Variants in MLKL observed in about 807,000 individuals in gnomAD.
MLKL encodes mixed lineage kinase domain like pseudokinase.
A neutral mutation model predicts 56.5 loss-of-function variants in MLKL; 55 were observed. The observed-to-expected ratio is 0.97, with a 90% CI of 0.78 to 1.22. MLKL has a LOEUF of 1.22. Ranked by LOEUF, MLKL falls within the 50% of genes most tolerant of loss-of-function variation. The pLI is 0.00. For synonymous variants in MLKL, 251 were observed against 208.3 expected (o/e 1.20, Z -1.76); for missense variants, 694 against 573.9 (o/e 1.21, Z -2.14).
At chr16:74,682,573 C>A in intron 6 of MLKL, 78 bp downstream of exon 6, 1 of 1,567,966 alleles carries the variant, frequency 6.4e-7, no homozygotes, top group Non-Finnish European at 8.7e-7. Flanking sequence ...CTGGCCTGTT[C>A]TCTCACCATC....
chr16:74,676,402 C>T, intron 7 of MLKL: 2 of 985,442 alleles, frequency 2.0e-6, no homozygotes, highest in Non-Finnish European at 2.4e-6. Flanking sequence ...GCTGCCAGCC[C>T]CAAACTCAGC....
At chr16:74,676,753 T>C (rs1009772397) in intron 7 of MLKL, 4 of 152,298 alleles carry the variant, frequency 2.6e-5, no homozygotes, top group African/African-American at 7.2e-5. Flanking sequence ...AAACCGTCTA[T>C]GGATGACAAA....
At chr16:74,698,481 T>C (rs1961186190) in intron 1 of MLKL, among the ~76,000 whole-genome samples, 3 of 152,132 alleles carry the variant, frequency 2.0e-5, no homozygotes, top group Admixed American at 2.0e-4. Context: ...GAGGTAACAG[T>C]TATTAGGGCA....
Position 74,691,373 on chromosome 16 carries a change from A to G in MLKL, c.626T>C (p.Leu209Pro), listed in dbSNP as rs1960664795. The G allele has an allele frequency of 6.2e-7, 1 of 1,613,930 alleles. No homozygotes were observed. Among genetic ancestry groups the G allele is most frequent in the Non-Finnish European group, 8.5e-7 (1 of 1,180,018 alleles). The change falls in exon 4 of 11, where the codon CTA (leucine) becomes CCA (proline). Residue 209 changes from leucine (L) to proline (P), a missense_variant. Coordinates refer to ENST00000308807, the MANE Select transcript of MLKL (RefSeq NM_152649.4). ...AAGTGTGCTGACTTCATTTTCCCTT[A>G]GCAGAATCCACGGGGATCCTGAAAG... is the stretch of plus-strand genomic sequence containing the variant. The part of the protein sequence containing the change: ...EQLSGSPWIL[L>P]RENEVSTLYK...
At chr16:74,676,609 G>A (rs909196033) in intron 7 of MLKL, 2 of 344,178 alleles carry the variant, frequency 5.8e-6, no homozygotes, top group East Asian at 1.7e-4. Flanking sequence ...TGAAGAGCGT[G>A]AGAGTAGTAG....
chr16:74,680,196 G>T (rs1959855854), intron 6 of MLKL, among the ~76,000 whole-genome samples: 1 of 152,190 alleles, frequency 6.6e-6, no homozygotes, highest in Admixed American at 6.5e-5. Flanking sequence ...AGCAAAGCAT[G>T]CCGAGAGGGG....
At position 74,675,639 on chromosome 16, in the gene MLKL, T is replaced by C. The variant is rs1018958789; in HGVS notation, c.1164A>G (p.Gln388=). The C allele has an allele frequency of 1.9e-6, 3 of 1,613,894 alleles. No homozygotes were observed. The highest frequency in any genetic ancestry group is 2.2e-5 in the East Asian group (1 of 44,880). ...SPQELEDVFY[Q]YDVKSEIYSF... is the part of the protein sequence containing the mutation. ...TGTATATTTCAGACTTTACATCATA[T>C]TGATAAAATACATCTTCCAGTTCCT... Residue 388 remains glutamine (Q), a synonymous_variant, in exon 8 of 11, where the codon CAA becomes CAG. Coordinates refer to ENST00000308807, the MANE Select transcript of MLKL (RefSeq NM_152649.4).
chr16:74,699,640 A>G (rs745738866), intron 1 of MLKL, among the ~76,000 whole-genome samples: 4 of 152,144 alleles, frequency 2.6e-5, no homozygotes, highest in African/African-American at 9.7e-5. Flanking sequence ...ACAAACAGCT[A>G]AGAATATGTT....
At chr16:74,680,483 T>G (rs976008448) in intron 6 of MLKL, among the ~76,000 whole-genome samples, 2 of 152,008 alleles carry the variant, frequency 1.3e-5, no homozygotes, top group Admixed American at 1.3e-4. Context: ...GGTATTTTTT[T>G]TTTGTTTTTT....
In MLKL at chr16:74,691,555, G is replaced by A. The variant is rs1281953074; in HGVS notation, c.536-92C>T. 2.9e-6 allele frequency: 4 copies of A among 1,369,300 alleles called. No homozygotes were observed. In the East Asian group the frequency reaches 9.2e-5, roughly 31 times the overall value. 84.8% of individuals were successfully genotyped at this position (1,369,300 alleles called of 1,614,324 possible). On this transcript the variant is annotated intron_variant, in intron 3 of 10. Coordinates refer to ENST00000308807, the MANE Select transcript of MLKL (RefSeq NM_152649.4). ...GGTGGCATATTTGTGATGTGTGAGT[G>A]GGAAGCTCTACTACATGAACCAGAG...
chr16:74,687,956 G>A (rs1052498356), intron 4 of MLKL, among the ~76,000 whole-genome samples: 9 of 152,156 alleles, frequency 5.9e-5, no homozygotes, highest in Non-Finnish European at 1.2e-4. Flanking sequence ...CTCCTGAGTA[G>A]CTGGGACTAC....
intron 7 of MLKL, 64 bp downstream of exon 7, chr16:74,678,835 G>A (rs1202734558): frequency 8.8e-6 from 10 of 1,140,938 alleles, no homozygotes; most frequent in African/African-American, 3.1e-5. Context: ...TGAGACACTC[G>A]TGCCCCTCTC....
chr16:74,688,233 G>T (rs1238179361), intron 4 of MLKL, among the ~76,000 whole-genome samples: 1 of 152,122 alleles, frequency 6.6e-6, no homozygotes, highest in Non-Finnish European at 1.5e-5. Context: ...GCCTCCCAAA[G>T]TGCTAGGATT....
At chr16:74,687,537 T>C (rs112424632) in intron 4 of MLKL, among the ~76,000 whole-genome samples, 28 of 152,334 alleles carry the variant, frequency 1.8e-4, no homozygotes, top group Non-Finnish European at 2.6e-4. Flanking sequence ...GGAAGACTTA[T>C]ACTTCTCAAT....
chr16:74,695,268 C>A, intron 2 of MLKL, 30 bp downstream of exon 2: 3 of 1,601,812 alleles, frequency 1.9e-6, no homozygotes, highest in Non-Finnish European at 2.6e-6. Flanking sequence ...TTCAACTGCA[C>A]TCCCACTCCC....
intron 4 of MLKL, among the ~76,000 whole-genome samples, chr16:74,685,871 T>C (rs183215457): frequency 3.3e-5 from 5 of 152,324 alleles, no homozygotes; most frequent in East Asian, 3.9e-4. Context: ...TACAGGGCTT[T>C]ACTAGGCAAA....
Position 74,678,556 on chromosome 16 carries a change from G to A in MLKL, c.1038+343C>T, listed in dbSNP as rs1287605144. On this transcript the variant is annotated intron_variant, in intron 7 of 10. Transcript: ENST00000308807. ...CCCAGCACTTTGGGAGGCCCAGGTG[G>A]GCGGATCACTTGAGGCCAGGAGTTC... 28 of 217,830 alleles carry A rather than the reference G, an allele frequency of 1.3e-4. No individual in the cohort carries two copies. In the South Asian group the frequency reaches 1.9e-3, roughly 15 times the overall value. The allele number at this position is 217,830 out of a possible 1,614,324, so 13.5% of individuals were successfully genotyped here.
chr16:74,690,484 A>G (rs1391004740), intron 4 of MLKL, among the ~76,000 whole-genome samples: 1 of 152,140 alleles, frequency 6.6e-6, no homozygotes, highest in Non-Finnish European at 1.5e-5. Context: ...ACTAGGTTCC[A>G]TCACTGGAAA....
chr16:74,690,238 A>T (rs981146267), intron 4 of MLKL, among the ~76,000 whole-genome samples: 3 of 152,254 alleles, frequency 2.0e-5, no homozygotes, highest in Admixed American at 6.5e-5. Flanking sequence ...TTATAACTAT[A>T]AAGATGAAAG....
Sources: gnomAD v4.1 joint callset for allele counts (sites outside exome capture counted in the v4.1 genomes callset) on GRCh38, gnomAD v4.1.1 for gene constraint, MANE v1.5 for transcripts, NCBI Gene and HGNC (gene_info 2026-07-23, HGNC 2026-07-21) for gene names.